Variants in RPTOR observed in about 807,000 individuals in gnomAD.
RPTOR encodes regulatory associated protein of MTOR complex 1.
Under a neutral mutation model 169.9 loss-of-function variants are expected in RPTOR, and 21 were observed. The ratio of observed to expected loss-of-function variants is 0.12; its 90% CI spans 0.09 to 0.18. RPTOR has a LOEUF of 0.18. Ranked by LOEUF, RPTOR falls within the 10% of genes least tolerant of loss-of-function variation. The pLI, the probability that RPTOR is intolerant of heterozygous loss-of-function variation, is 1.00. For synonymous variants in RPTOR, 732 were observed against 753.2 expected (o/e 0.97, Z 0.46); for missense variants, 1,133 against 1,855.9 (o/e 0.61, Z 7.16).
At chr17:80,800,906 C>T (rs1415488630) in intron 7 of RPTOR, among the ~76,000 whole-genome samples, 3 of 152,184 alleles carry the variant, frequency 2.0e-5, no homozygotes, top group Admixed American at 6.5e-5. Flanking sequence ...TATTTTAAAC[C>T]GCTAACAATC....
chr17:80,868,215 G>A (rs1166560191), intron 13 of RPTOR, among the ~76,000 whole-genome samples: 1 of 152,120 alleles, frequency 6.6e-6, no homozygotes, highest in Non-Finnish European at 1.5e-5. Flanking sequence ...AGTATAGAAA[G>A]AACTCTCAAA....
At chr17:80,880,256 A>G (rs6420478) in intron 13 of RPTOR, among the ~76,000 whole-genome samples, 159 bp from the exon 14 acceptor site, 85,001 of 152,088 alleles carry the variant, frequency 0.56, 24,652 homozygotes, top group African/African-American at 0.71. Flanking sequence ...GTCTGCAGGC[A>G]CCGGCTGCAG....
chr17:80,920,615 C>T (rs2068733668), intron 21 of RPTOR, among the ~76,000 whole-genome samples: 1 of 152,246 alleles, frequency 6.6e-6, no homozygotes, highest in East Asian at 1.9e-4. Context: ...TGCAGGGTGG[C>T]AAGGCGGGAG....
chr17:80,840,649 C>CA lies in RPTOR; in HGVS notation c.1212+2652_1212+2653insA, dbSNP rs1491312279. ...CTCACTCTCACCGCACGGCAGCTCA[C>CA]TCTCACCACACCACAGCTCACTCTC... On this transcript the variant is annotated intron_variant, in intron 10 of 33. Coordinates refer to ENST00000306801, the MANE Select transcript of RPTOR (RefSeq NM_020761.3). Among the ~76,000 whole-genome samples the CA allele has an allele frequency of 5.6e-4, 42 of 74,738 alleles. 4 individuals carry two copies. Among genetic ancestry groups the CA allele is most frequent in the Non-Finnish European group, 1.2e-3 (36 of 29,170 alleles). 49.0% of individuals were successfully genotyped at this position (74,738 alleles called of 152,430 possible). A position where few individuals can be genotyped will look rare whatever the true frequency, so the allele number is the denominator to read the frequency against.
At chr17:80,631,529 C>G (rs1017573237) in intron 2 of RPTOR, among the ~76,000 whole-genome samples, 1 of 152,114 alleles carries the variant, frequency 6.6e-6, no homozygotes, top group African/African-American at 2.4e-5. Context: ...TCGGAGAGGA[C>G]GGGCCTGTGG....
intron 2 of RPTOR, among the ~76,000 whole-genome samples, chr17:80,631,089 T>C (rs1046336795): frequency 3.3e-5 from 5 of 152,136 alleles, no homozygotes; most frequent in African/African-American, 1.2e-4. Flanking sequence ...GAGTAGGCTG[T>C]TTTGCACCTT....
At chr17:80,799,366 G>A (rs1286056397) in intron 7 of RPTOR, among the ~76,000 whole-genome samples, 1 of 152,242 alleles carries the variant, frequency 6.6e-6, no homozygotes, top group Non-Finnish European at 1.5e-5. Context: ...AACAGATCGT[G>A]TGGATGTGCA....
intron 3 of RPTOR, among the ~76,000 whole-genome samples, chr17:80,682,396 C>G (rs2065906094): frequency 6.6e-6 from 1 of 152,164 alleles, no homozygotes; most frequent in South Asian, 2.1e-4. Context: ...AGCCACTGCA[C>G]CCAGCCAGGT....
intron 6 of RPTOR, among the ~76,000 whole-genome samples, chr17:80,760,307 C>CTTTTTTTTTT (rs71164001): frequency 8.6e-6 from 1 of 116,484 alleles, no homozygotes; most frequent in African/African-American, 3.4e-5. Flanking sequence ...TTTCTTTTTT[C>CTTTTTTTTTT]TTTTTTTTTT....
At chr17:80,639,651 C>G (rs560483178) in intron 2 of RPTOR, among the ~76,000 whole-genome samples, 1 of 152,316 alleles carries the variant, frequency 6.6e-6, no homozygotes, top group East Asian at 1.9e-4. Context: ...AAGAGAAAGA[C>G]TAGGTCATTG....
intron 1 of RPTOR, among the ~76,000 whole-genome samples, chr17:80,569,524 C>CA (rs1443143795): frequency 6.6e-6 from 1 of 151,794 alleles, no homozygotes; most frequent in Non-Finnish European, 1.5e-5. Context: ...GACTCTGTCT[C>CA]AAAAAAATGA....
chr17:80,560,166 A>G lies in RPTOR; in HGVS notation c.162+14375A>G, dbSNP rs138601064. ...GAGTAACAAGGTAGCGATTTCAGGA[A>G]TTCTGCAGCTGGACATTGAGATGGT... On this transcript the variant is annotated intron_variant, in intron 1 of 33. Transcript: ENST00000306801. Among the ~76,000 whole-genome samples, 294 of 152,332 alleles carry G rather than the reference A, an allele frequency of 1.9e-3. 3 individuals are homozygous for G. Among genetic ancestry groups the G allele is most frequent in the African/African-American group, 6.6e-3 (274 of 41,590 alleles).
At chr17:80,933,436 G>A (rs1185585544) in intron 24 of RPTOR, among the ~76,000 whole-genome samples, 1 of 152,112 alleles carries the variant, frequency 6.6e-6, no homozygotes, top group Non-Finnish European at 1.5e-5. Context: ...TAAAAGAAAT[G>A]TAAGACTTGT....
At chr17:80,943,024 A>G (rs2069052902) in intron 25 of RPTOR, among the ~76,000 whole-genome samples, 1 of 152,224 alleles carries the variant, frequency 6.6e-6, no homozygotes, top group South Asian at 2.1e-4. Context: ...CTCTCCTTGT[A>G]TAACGTGGCA....
chr17:80,946,371 C>T (rs1186547495), intron 26 of RPTOR, among the ~76,000 whole-genome samples: 6 of 152,214 alleles, frequency 3.9e-5, no homozygotes, highest in Admixed American at 6.5e-5. Flanking sequence ...GTTCTGAGTG[C>T]GCAGCCAGTG....
At chr17:80,902,323 C>G (rs1039172746) in intron 20 of RPTOR, among the ~76,000 whole-genome samples, 3 of 152,236 alleles carry the variant, frequency 2.0e-5, no homozygotes, top group Non-Finnish European at 4.4e-5. Flanking sequence ...TCCTGCCCCC[C>G]GTCTCAGCAG....
At chr17:80,833,482 G>A (rs190231871) in intron 9 of RPTOR, among the ~76,000 whole-genome samples, 61 of 152,254 alleles carry the variant, frequency 4.0e-4, no homozygotes, top group African/African-American at 1.3e-3. Context: ...TTCTGCTGTC[G>A]TGTGCTGCCA....
chr17:80,905,595 CAA>C (rs57583520), intron 20 of RPTOR, among the ~76,000 whole-genome samples: 17 of 89,520 alleles, frequency 1.9e-4, no homozygotes, highest in Admixed American at 3.7e-4. Flanking sequence ...GACTCTGTCT[CAA>C]AAAAAAAAAA....
intron 3 of RPTOR, among the ~76,000 whole-genome samples, chr17:80,702,904 T>C (rs1282717308): frequency 1.3e-5 from 2 of 152,158 alleles, no homozygotes; most frequent in African/African-American, 4.8e-5. Context: ...ATAGCTGTGT[T>C]GAGGAGAGTA....
Sources: gnomAD v4.1 joint callset for allele counts (sites outside exome capture counted in the v4.1 genomes callset) on GRCh38, gnomAD v4.1.1 for gene constraint, MANE v1.5 for transcripts, NCBI Gene and HGNC (gene_info 2026-07-23, HGNC 2026-07-21) for gene names.